The following RFX2 variants were observed in gnomAD, a reference collection of about 807,000 sequenced individuals.
RFX2 encodes DNA-binding protein RFX2.
Under a neutral mutation model 87.8 loss-of-function variants are expected in RFX2, and 20 were observed. The observed-to-expected ratio is 0.23, with a 90% CI of 0.16 to 0.33. RFX2 has a LOEUF of 0.33. Among genes scored for constraint, RFX2 ranks in the 10% least tolerant of loss-of-function variants. The pLI, the probability that RFX2 is intolerant of heterozygous loss-of-function variation, is 1.00. For synonymous variants in RFX2, 397 were observed against 431.3 expected, an observed-to-expected ratio of 0.92 and a Z score of 0.98; for missense variants, 767 against 1,012.3, an observed-to-expected ratio of 0.76 and a Z score of 3.29.
At chr19:6,030,112 G>A (rs1295185197) in intron 5 of RFX2, among the ~76,000 whole-genome samples, 1 of 152,118 alleles carries the variant, frequency 6.6e-6, no homozygotes, top group Non-Finnish European at 1.5e-5. Context: ...TTTGATGAAA[G>A]GCATGAATCT....
intron 1 of RFX2, among the ~76,000 whole-genome samples, chr19:6,055,199 C>T (rs1245703480): frequency 6.6e-6 from 1 of 152,172 alleles, no homozygotes; most frequent in East Asian, 1.9e-4. Flanking sequence ...AGTCTGACAA[C>T]ATCCAATGTT....
Position 6,026,057 on chromosome 19 carries a change from T to C in RFX2, c.597+106A>G. 5.4e-6 allele frequency: 5 copies of C among 928,962 alleles called. No individual in the cohort carries two copies. The highest frequency in any genetic ancestry group is 8.7e-6 in the Non-Finnish European group (5 of 577,488). 57.5% of individuals were successfully genotyped at this position (928,962 alleles called of 1,614,324 possible). A position where few individuals can be genotyped will look rare whatever the true frequency, so the allele number is the denominator to read the frequency against. On this transcript the variant is annotated intron_variant, in intron 6 of 17. Transcript: ENST00000303657. This position sits in a 1 kb window ranked among gnomAD's most constrained non-coding sequence, Gnocchi z 4.5. Reference sequence around the variant, plus strand: ...GCCTTGGCCTCCCAAAGTGCTGGGATTACAGGTGTGAGCCACCGCACCTGG... The same window carrying C: ...GCCTTGGCCTCCCAAAGTGCTGGGACTACAGGTGTGAGCCACCGCACCTGG...
intron 1 of RFX2, among the ~76,000 whole-genome samples, chr19:6,058,186 C>T (rs559693245): frequency 1.1e-4 from 17 of 152,278 alleles, no homozygotes; most frequent in East Asian, 9.7e-4. Context: ...GGGCTGGGGC[C>T]GTCCTGAGCA....
At chr19:6,071,262 G>T (rs576974936) in intron 1 of RFX2, among the ~76,000 whole-genome samples, 12 of 152,192 alleles carry the variant, frequency 7.9e-5, no homozygotes, top group Non-Finnish European at 1.5e-4. Flanking sequence ...AATGAGTGAG[G>T]CCAGGAATCT....
At chr19:6,087,059 C>T (rs1201913423) in intron 1 of RFX2, among the ~76,000 whole-genome samples, 1 of 152,006 alleles carries the variant, frequency 6.6e-6, no homozygotes, top group Admixed American at 6.6e-5. Context: ...AGACGAGCTT[C>T]GTTGTATAAA....
chr19:5,994,383 A>G lies in RFX2; in HGVS notation c.*452T>C, dbSNP rs1324150551. 6.5e-6 allele frequency: 1 copy of G among 154,390 alleles called. No homozygotes were observed. Among genetic ancestry groups the G allele is most frequent in the Non-Finnish European group, 1.4e-5 (1 of 69,356 alleles). The allele number at this position is 154,390 out of a possible 1,614,324, so 9.6% of individuals were successfully genotyped here. On this transcript the variant is annotated 3_prime_UTR_variant, in exon 18 of 18. Coordinates refer to ENST00000303657, the MANE Select transcript of RFX2 (RefSeq NM_000635.4). ...CTGTGCCTCCCCAGCGGTGGCAGGT[A>G]GGAGGGGAGAGGCCGTCCCTTTCTA...
intron 1 of RFX2, among the ~76,000 whole-genome samples, chr19:6,059,196 T>G (rs1375099204): frequency 6.6e-6 from 1 of 152,064 alleles, no homozygotes; most frequent in African/African-American, 2.4e-5. Context: ...CCCAGAATGA[T>G]CTCGAACTCC....
rs905285805 is a variant in RFX2, at chr19:6,020,982, T to C, written c.598-4711A>G. ...TCTCCCCGGCCCCCCAACAAAGGCCTGTGGTTCTGGGCTCTTTGCAGGCAC... is the reference window on the plus strand; with the variant it reads ...TCTCCCCGGCCCCCCAACAAAGGCCCGTGGTTCTGGGCTCTTTGCAGGCAC... On this transcript the variant is annotated intron_variant, in intron 6 of 17. Coordinates refer to ENST00000303657, the MANE Select transcript of RFX2 (RefSeq NM_000635.4). This position sits in a 1 kb window ranked among gnomAD's most constrained non-coding sequence, Gnocchi z 5.3. Among the ~76,000 whole-genome samples the C allele has an allele frequency of 8.5e-5, 13 of 152,312 alleles. No individual in the cohort carries two copies. The highest frequency in any genetic ancestry group is 3.4e-3 in the Middle Eastern group (1 of 294).
intron 4 of RFX2, among the ~76,000 whole-genome samples, chr19:6,041,105 G>C (rs1230999271): frequency 6.6e-6 from 1 of 152,108 alleles, no homozygotes; most frequent in Non-Finnish European, 1.5e-5. Context: ...GTCTCCTTCT[G>C]TAGCCCAGAC....
chr19:6,042,051 C>T lies in RFX2; in HGVS notation c.253G>A (p.Gly85Arg), dbSNP rs757515086. 5.6e-6 allele frequency: 9 copies of T among 1,613,748 alleles called. No individual in the cohort carries two copies. In the African/African-American group the frequency reaches 1.1e-4, roughly 19 times the overall value. ...VEGGDAVYTN[G>R]AIRTAYTYNP... Reference sequence around the variant, plus strand: ...CGCGGGAGAAGCACGCACATGGCTCCATTGGTGTAGACGGCGTCTCCCCCT... The same window carrying T: ...CGCGGGAGAAGCACGCACATGGCTCTATTGGTGTAGACGGCGTCTCCCCCT... The change falls in exon 4 of 18, where the codon GGA becomes AGA. Residue 85 changes from glycine (G) to arginine (R), a missense_variant. Gly to Arg is a moderately radical substitution (Grantham distance 125). This residue lies in a region of RFX2 where 146 missense variants were observed against 139.2 expected (regional missense o/e 1.05). Transcript: ENST00000303657.
At chr19:6,088,838 G>A (rs2087893671) in intron 1 of RFX2, among the ~76,000 whole-genome samples, 1 of 152,142 alleles carries the variant, frequency 6.6e-6, no homozygotes, top group Non-Finnish European at 1.5e-5. Flanking sequence ...GGTTTTGCAG[G>A]TCAAGCGCTC....
chr19:6,010,158 G>C lies in RFX2; in HGVS notation c.993C>G (p.Ser331Arg), dbSNP rs2086641581. 6.5e-7 allele frequency: 1 copy of C among 1,548,230 alleles called. No homozygotes were observed. Among genetic ancestry groups the C allele is most frequent in the African/African-American group, 1.4e-5 (1 of 73,108 alleles). Residue 331 changes from serine to arginine, a missense_variant, in exon 9 of 18, where the codon AGC (serine) becomes AGG (arginine). Around this residue, in one of 2 missense-constraint regions of RFX2, gnomAD observed 621 missense variants for 873.0 expected, o/e 0.71. Coordinates refer to ENST00000303657, the MANE Select transcript of RFX2 (RefSeq NM_000635.4). The surrounding 1 kb of genome is among the most constrained non-coding windows in gnomAD (Gnocchi z 5.0). ...STPEQTMAVQSQHHQQYIDVS... is the reference protein window; with the variant it reads ...STPEQTMAVQRQHHQQYIDVS... ...CACCTATGTACTGCTGGTGGTGCTG[G>C]CTCTGCACGGCCATGGTCTGTTCCG...
chr19:6,009,879 G>A (rs983128632), intron 9 of RFX2, among the ~76,000 whole-genome samples: 1 of 152,074 alleles, frequency 6.6e-6, no homozygotes, highest in Non-Finnish European at 1.5e-5. Flanking sequence ...TCTTTCTGAT[G>A]GTCATTTGAT....
rs1300300245 is a variant in RFX2 at position 6,074,853 on chromosome 19, G to A, written c.-8-27349C>T. The stretch of plus-strand genomic sequence containing the variant: ...TGTGGGGTCACACGGGTCACGTGAG[G>A]AGGCCACCAGAGGGAGCTGGGGGAA... On this transcript the variant is annotated intron_variant, in intron 1 of 17. Transcript: ENST00000303657. The surrounding 1 kb of genome is among the most constrained non-coding windows in gnomAD (Gnocchi z 5.2). Among the ~76,000 whole-genome samples, 1 of 152,210 alleles carries A rather than the reference G, an allele frequency of 6.6e-6. No individual in the cohort carries two copies. The highest frequency in any genetic ancestry group is 6.5e-5 in the Admixed American group (1 of 15,286).
chr19:6,000,047 C>T (rs980264164), intron 15 of RFX2, among the ~76,000 whole-genome samples: 4 of 151,662 alleles, frequency 2.6e-5, no homozygotes, highest in Admixed American at 6.6e-5. Flanking sequence ...TGAAATAGCA[C>T]GGTCTTGGCT....
chr19:6,110,320 G>GA lies in RFX2; in HGVS notation c.-9+72_-9+73insT, dbSNP rs1555684718. On this transcript the variant is annotated intron_variant, in intron 1 of 17. Coordinates refer to ENST00000303657, the MANE Select transcript of RFX2 (RefSeq NM_000635.4). This position sits in a 1 kb window ranked among gnomAD's most constrained non-coding sequence, Gnocchi z 4.3. ...GCGGGGACGTGCTGCCCGCCCCCCG[G>GA]CCCCCGAACGGGGTCCCCGCCGCCC... The GA allele has an allele frequency of 1.3e-5, 2 of 150,980 alleles. No homozygotes were observed. Among genetic ancestry groups the GA allele is most frequent in the African/African-American group, 4.9e-5 (2 of 41,170 alleles). 9.4% of individuals were successfully genotyped at this position (150,980 alleles called of 1,614,324 possible).
intron 1 of RFX2, among the ~76,000 whole-genome samples, chr19:6,081,035 C>CAAAAAAAAAAAAAAAAAAACAAAAAA: frequency 1.1e-5 from 1 of 89,708 alleles, no homozygotes; most frequent in African/African-American, 3.3e-5. Flanking sequence ...GACTCCATCT[C>CAAAAAAAAAAAAAAAAAAACAAAAAA]AAAAAAAAAA....
In RFX2 at chr19:5,994,847, C is replaced by A; in HGVS notation, c.2160G>T (p.Leu720=). ...KRERSDPNHS[L]QGI Reference sequence around the variant, plus strand: ...CCGGCCGGGGCTGCTAGATGCCCTGCAGGGAGTGGTTGGGGTCACTGCGCT... The same window carrying A: ...CCGGCCGGGGCTGCTAGATGCCCTGAAGGGAGTGGTTGGGGTCACTGCGCT... Residue 720 remains leucine, a synonymous_variant, in exon 18 of 18, where the codon CTG becomes CTT. Transcript: ENST00000303657. 1.2e-6 allele frequency: 2 copies of A among 1,609,078 alleles called. No homozygotes were observed. Among genetic ancestry groups the A allele is most frequent in the Non-Finnish European group, 1.7e-6 (2 of 1,178,946 alleles).
chr19:6,031,423 CTTTTTTT>C (rs58834364), intron 5 of RFX2, among the ~76,000 whole-genome samples: 3 of 90,218 alleles, frequency 3.3e-5, no homozygotes, highest in African/African-American at 1.3e-4. Context: ...TTCTCCTTCC[CTTTTTTT>C]TTTTTTTTTT....
Sources: allele counts gnomAD v4.1 joint callset (sites outside exome capture counted in the v4.1 genomes callset), GRCh38; gene constraint gnomAD v4.1.1; regional missense constraint gnomAD v4.1.1; non-coding constraint Gnocchi (gnomAD v3.1); transcripts MANE v1.5; gene names NCBI Gene and HGNC (gene_info 2026-07-23, HGNC 2026-07-21).